The following XPR1 variants were observed in gnomAD, a reference collection of about 807,000 sequenced individuals.
The protein encoded by XPR1 is xenotropic and polytropic retrovirus receptor 1.
Under a neutral mutation model 87.5 loss-of-function variants are expected in XPR1, and 28 were observed. The observed-to-expected ratio is 0.32, with a 90% CI of 0.24 to 0.44. The LOEUF (loss-of-function observed/expected upper bound fraction) is 0.44, where lower values mean the gene tolerates loss of function less well. Among genes scored for constraint, XPR1 ranks in the 20% least tolerant of loss-of-function variants. XPR1 has a pLI of 1.00. For missense variants in XPR1, 559 were observed against 862.3 expected, an observed-to-expected ratio of 0.65 and a Z score of 4.41; for synonymous variants, 300 against 306.1, an observed-to-expected ratio of 0.98 and a Z score of 0.21.
chr1:180,666,940 A>G (rs1206471121), intron 1 of XPR1, among the ~76,000 whole-genome samples: 1 of 151,272 alleles, frequency 6.6e-6, no homozygotes, highest in Non-Finnish European at 1.5e-5. Flanking sequence ...TTCCATGACA[A>G]GGTCTCACTC....
In XPR1 at chr1:180,698,808, C is replaced by T. The variant is rs558037843; in HGVS notation, c.121+16397C>T. The stretch of plus-strand genomic sequence containing the variant: ...GTATTCTTGGCTGGCAGGTTTTTTT[C>T]TTCCAGCACTTTGAATATATCATCT... On this transcript the variant is annotated intron_variant, in intron 2 of 14. Coordinates refer to ENST00000367590, the MANE Select transcript of XPR1 (RefSeq NM_004736.4). Among the ~76,000 whole-genome samples the T allele has an allele frequency of 3.2e-4, 48 of 152,042 alleles. No homozygotes were observed. The South Asian group carries it at 3.5e-3, about 11-fold the overall frequency.
intron 6 of XPR1, among the ~76,000 whole-genome samples, chr1:180,808,331 C>T (rs928879202): frequency 1.3e-5 from 2 of 148,706 alleles, no homozygotes; most frequent in Non-Finnish European, 3.0e-5. Context: ...TCACAACATA[C>T]AGTTCTAAAT....
intron 2 of XPR1, among the ~76,000 whole-genome samples, chr1:180,760,839 G>A (rs1647993660): frequency 1.3e-5 from 2 of 152,086 alleles, no homozygotes; most frequent in Admixed American, 1.3e-4. Context: ...GAAAACCGGA[G>A]GCATCATGCT....
chr1:180,733,713 C>A (rs12092594), intron 2 of XPR1, among the ~76,000 whole-genome samples: 6,533 of 152,076 alleles, frequency 0.043, 504 homozygotes, highest in African/African-American at 0.15. Context: ...TAAAGGAACT[C>A]GGGAAGACGG....
chr1:180,641,883 G>A lies in XPR1; in HGVS notation c.69+9613G>A, dbSNP rs1431422750. 2.6e-5 allele frequency among the ~76,000 whole-genome samples: 4 copies of A among 152,242 alleles called. No homozygotes were observed. In the South Asian group the frequency reaches 6.2e-4, roughly 24 times the overall value. ...TATCTTGTTAAGGCTTATCATTGCT[G>A]TATAAACATTGCTTTGAAATTTTAA... is the stretch of plus-strand genomic sequence containing the variant. On this transcript the variant is annotated intron_variant, in intron 1 of 14. Coordinates refer to ENST00000367590, the MANE Select transcript of XPR1 (RefSeq NM_004736.4).
rs144454689 is a variant in XPR1 at position 180,755,939 on chromosome 1, C to T, written c.122-31814C>T. 2.1e-4 allele frequency among the ~76,000 whole-genome samples: 32 copies of T among 152,274 alleles called. No homozygotes were observed. The East Asian group carries it at 5.8e-3, about 28-fold the overall frequency. On this transcript the variant is annotated intron_variant, in intron 2 of 14. Coordinates refer to ENST00000367590, the MANE Select transcript of XPR1 (RefSeq NM_004736.4). ...GGTACTCAGGAGCTCTTCCTGATTC[C>T]AGGGCTGGGAGAGGGTCAGAGTACC...
At chr1:180,846,126 G>A (rs1458648204) in intron 11 of XPR1, among the ~76,000 whole-genome samples, 1 of 152,100 alleles carries the variant, frequency 6.6e-6, no homozygotes, top group African/African-American at 2.4e-5. Context: ...GCCAGGTGGA[G>A]TGGCATGCAC....
intron 1 of XPR1, among the ~76,000 whole-genome samples, chr1:180,645,764 T>C (rs753069850): frequency 3.9e-5 from 6 of 152,198 alleles, no homozygotes; most frequent in Non-Finnish European, 7.3e-5. Flanking sequence ...AAAATATTGT[T>C]CAGGTGACAT....
chr1:180,750,537 C>G (rs12068624), intron 2 of XPR1, among the ~76,000 whole-genome samples: 6,537 of 152,090 alleles, frequency 0.043, 500 homozygotes, highest in African/African-American at 0.15. Flanking sequence ...TGTAGGAAAT[C>G]CTTTGTAGAA....
chr1:180,782,554 T>A (rs1211457488), intron 2 of XPR1, among the ~76,000 whole-genome samples: 1 of 151,896 alleles, frequency 6.6e-6, no homozygotes, highest in East Asian at 1.9e-4. Flanking sequence ...AGAACATACG[T>A]GTGTGTTGGG....
chr1:180,733,415 C>T lies in XPR1; in HGVS notation c.121+51004C>T, dbSNP rs1258272247. Among the ~76,000 whole-genome samples, 4 of 152,180 alleles carry T rather than the reference C, an allele frequency of 2.6e-5. No individual in the cohort carries two copies. In the South Asian group the frequency reaches 8.3e-4, roughly 32 times the overall value. On this transcript the variant is annotated intron_variant, in intron 2 of 14. Transcript: ENST00000367590. ...AAATTACAAGTTGACTATACATTTG[C>T]AGAGTTTCCTTGTTCATCCAACAAA...
At chr1:180,735,630 T>C (rs1658704575) in intron 2 of XPR1, among the ~76,000 whole-genome samples, 1 of 152,190 alleles carries the variant, frequency 6.6e-6, no homozygotes, top group South Asian at 2.1e-4. Context: ...ATTCCCTTCA[T>C]CTACAATTTA....
intron 2 of XPR1, among the ~76,000 whole-genome samples, chr1:180,748,750 T>A (rs373948264): frequency 1.3e-5 from 2 of 152,128 alleles, no homozygotes; most frequent in Non-Finnish European, 2.9e-5. Flanking sequence ...GGTGAAATAC[T>A]GTATAAAGAT....
chr1:180,786,429 T>C (rs1224457850), intron 2 of XPR1, among the ~76,000 whole-genome samples: 1 of 152,174 alleles, frequency 6.6e-6, no homozygotes, highest in East Asian at 1.9e-4. Context: ...ATCTATACTT[T>C]TTCTACACTT....
intron 2 of XPR1, among the ~76,000 whole-genome samples, chr1:180,684,143 A>AT (rs1309398831): frequency 1.3e-5 from 2 of 152,180 alleles, no homozygotes; most frequent in African/African-American, 4.8e-5. Flanking sequence ...TAATTTTTCT[A>AT]TAAGGTGTAA....
At chr1:180,826,708 C>A (rs907554805) in intron 9 of XPR1, among the ~76,000 whole-genome samples, 1 of 152,156 alleles carries the variant, frequency 6.6e-6, no homozygotes, top group African/African-American at 2.4e-5. Flanking sequence ...TTTCTCACCT[C>A]TTTTTCACTT....
chr1:180,685,875 T>G (rs1656753578), intron 2 of XPR1, among the ~76,000 whole-genome samples: 1 of 152,186 alleles, frequency 6.6e-6, no homozygotes, highest in African/African-American at 2.4e-5. Context: ...GATTCTTCTC[T>G]CTTTTCTTCT....
rs1653095526 is a variant in XPR1, at chr1:180,888,757, A to G, written c.*4691A>G. 6.6e-6 allele frequency: 1 copy of G among 152,250 alleles called. No individual in the cohort carries two copies. Among genetic ancestry groups the G allele is most frequent in the African/African-American group, 2.4e-5 (1 of 41,474 alleles). The allele number at this position is 152,250 out of a possible 1,614,324, so 9.4% of individuals were successfully genotyped here. On this transcript the variant is annotated 3_prime_UTR_variant, in exon 15 of 15. Coordinates refer to ENST00000367590, the MANE Select transcript of XPR1 (RefSeq NM_004736.4). The stretch of plus-strand genomic sequence containing the variant: ...AGTCAGTCTTGATAGTAAATCCTAC[A>G]AACTCTCAACTTTCTGCATTGTATT...
At chr1:180,807,149 G>A (rs1394489751) in intron 6 of XPR1, among the ~76,000 whole-genome samples, 3 of 151,874 alleles carry the variant, frequency 2.0e-5, no homozygotes, top group African/African-American at 7.3e-5. Context: ...CCTAAGACTT[G>A]GCCCAAAAAA....
Sources: allele counts gnomAD v4.1 joint callset (sites outside exome capture counted in the v4.1 genomes callset), GRCh38; gene constraint gnomAD v4.1.1; transcripts MANE v1.5; gene names NCBI Gene and HGNC (gene_info 2026-07-23, HGNC 2026-07-21).